The following DEAF1 variants were observed in gnomAD, a reference collection of about 807,000 sequenced individuals.
DEAF1 encodes the protein deformed epidermal autoregulatory factor 1 homolog.
DEAF1 carries 53 observed loss-of-function variants against 58.9 expected under a neutral mutation model. The ratio of observed to expected loss-of-function variants is 0.90; its 90% CI spans 0.72 to 1.13. The LOEUF (loss-of-function observed/expected upper bound fraction) is 1.13, where lower values mean the gene tolerates loss of function less well. DEAF1 is among the 50% of genes most tolerant of loss of function. DEAF1 has a pLI of 0.00. For synonymous variants in DEAF1, 385 were observed against 340.4 expected, an observed-to-expected ratio of 1.13 and a Z score of -1.44; for missense variants, 685 against 791.4, an observed-to-expected ratio of 0.87 and a Z score of 1.61.
In DEAF1 at chr11:695,126, G is replaced by C; in HGVS notation, c.-79C>G. The C allele has an allele frequency of 7.7e-7, 1 of 1,302,778 alleles. No homozygotes were observed. Among genetic ancestry groups the C allele is most frequent in the African/African-American group, 1.6e-5 (1 of 63,010 alleles). 80.7% of individuals were successfully genotyped at this position (1,302,778 alleles called of 1,614,324 possible). The stretch of plus-strand genomic sequence containing the variant: ...GGTCGCGGAGCCCGAAGCGGGGCCC[G>C]AAGAGGACGCCCGAGCTGGGCCGAG... On this transcript the variant is annotated 5_prime_UTR_variant, in exon 1 of 12. Coordinates refer to ENST00000382409, the MANE Select transcript of DEAF1 (RefSeq NM_021008.4).
chr11:668,059 C>T (rs1356632611), intron 10 of DEAF1, among the ~76,000 whole-genome samples: 1 of 152,134 alleles, frequency 6.6e-6, no homozygotes, highest in Admixed American at 6.5e-5. Context: ...TTGCAGTGAG[C>T]GGAGATTGTG....
At position 645,348 on chromosome 11, in the gene DEAF1, G is replaced by A. The variant is rs190530065; in HGVS notation, c.1594-694C>T. Among the ~76,000 whole-genome samples, 163 of 151,916 alleles carry A rather than the reference G, an allele frequency of 1.1e-3. 2 individuals are homozygous for A. The highest frequency in any genetic ancestry group is 1.7e-3 in the Non-Finnish European group (118 of 67,984). On this transcript the variant is annotated intron_variant, in intron 11 of 11. Transcript: ENST00000382409. ...TTTGTTGTTTTTCGGACAGAGTTTC[G>A]CTCTTGTTTCCCAGGCTGGAGTGTA...
At chr11:653,557 G>A (rs1288385919) in intron 11 of DEAF1, among the ~76,000 whole-genome samples, 2 of 143,494 alleles carry the variant, frequency 1.4e-5, no homozygotes, top group African/African-American at 5.3e-5. Context: ...AGTCTCTCTT[G>A]CGTGGCTCTG....
chr11:693,202 T>C (rs1472314590), intron 1 of DEAF1, among the ~76,000 whole-genome samples: 1 of 152,236 alleles, frequency 6.6e-6, no homozygotes, highest in African/African-American at 2.4e-5. Context: ...AACAGCATCA[T>C]TTTTCTTTTA....
At chr11:645,240 C>CA (rs533987770) in intron 11 of DEAF1, among the ~76,000 whole-genome samples, 10 of 149,796 alleles carry the variant, frequency 6.7e-5, no homozygotes, top group Admixed American at 6.0e-4. Flanking sequence ...GGGATGTAAA[C>CA]AAAAAATATC....
At chr11:646,050 C>T (rs1480604721) in intron 11 of DEAF1, among the ~76,000 whole-genome samples, 6 of 152,004 alleles carry the variant, frequency 3.9e-5, no homozygotes, top group Admixed American at 6.6e-5. Flanking sequence ...GCCAGGAGCT[C>T]GAGACCAGCC....
At chr11:701,727 T>G (rs1861506776) in intron 1 of DEAF1, among the ~76,000 whole-genome samples, 1 of 152,186 alleles carries the variant, frequency 6.6e-6, no homozygotes, top group South Asian at 2.1e-4. Flanking sequence ...GGTTTCGCTA[T>G]GTTACCCTGG....
intron 1 of DEAF1, chr11:701,063 TGAG>T (rs1327172705): frequency 5.9e-6 from 2 of 336,454 alleles, no homozygotes; most frequent in Admixed American, 3.9e-5. Context: ...CTTAGCTGTC[TGAG>T]GAGAGAGCCC....
rs769299507 is a variant in DEAF1 at position 694,970 on chromosome 11, C to T, written c.78G>A (p.Ala26=). 1.7e-6 allele frequency: 2 copies of T among 1,168,356 alleles called. No homozygotes were observed. The highest frequency in any genetic ancestry group is 2.1e-6 in the Non-Finnish European group (2 of 947,434). 72.4% of individuals were successfully genotyped at this position (1,168,356 alleles called of 1,614,324 possible). A position where few individuals can be genotyped will look rare whatever the true frequency, so the allele number is the denominator to read the frequency against. ...CTCCTGCCGCGGCCGCGGCCGCCGC[C>T]GCCACAGCGGCCGCGGCCGCCACCG... is the stretch of plus-strand genomic sequence containing the variant. ...AAAVAAAAAV[A]AAAAAAAGGE... Residue 26 remains alanine (A), a synonymous_variant, in exon 1 of 12, where the codon GCG becomes GCA. Coordinates refer to ENST00000382409, the MANE Select transcript of DEAF1 (RefSeq NM_021008.4).
Position 670,245 on chromosome 11 carries a change from A to T in DEAF1, c.1503+4291T>A, listed in dbSNP as rs752849207. On this transcript the variant is annotated intron_variant, in intron 10 of 11. Transcript: ENST00000382409. The stretch of plus-strand genomic sequence containing the variant: ...TGGAGATTGAGGCACTTTGCTGTAC[A>T]TACAGTTTACCTCAATTACCAAAAA... Among the ~76,000 whole-genome samples the T allele has an allele frequency of 7.2e-4, 109 of 152,134 alleles. 1 individual carries two copies. The highest frequency in any genetic ancestry group is 7.8e-4 in the Non-Finnish European group (53 of 68,030).
intron 5 of DEAF1, among the ~76,000 whole-genome samples, chr11:686,377 TCTTTC>T (rs918781002): frequency 4.4e-4 from 66 of 151,604 alleles, no homozygotes; most frequent in Admixed American, 2.5e-3. Context: ...AGGACCTACC[TCTTTC>T]CTTTCAAGAT....
chr11:695,923 C>T, upstream of DEAF1: 2 of 1,121,978 alleles, frequency 1.8e-6, no homozygotes, highest in Non-Finnish European at 2.2e-6. Flanking sequence ...AATCCGGTTT[C>T]CGCTTTCGGT....
At chr11:694,697 GC>G in intron 1 of DEAF1, 61 bp downstream of exon 1, 1 of 1,270,082 alleles carries the variant, frequency 7.9e-7, no homozygotes. Context: ...GTTGTGCGGG[GC>G]AGGCGCGCGG....
intron 10 of DEAF1, among the ~76,000 whole-genome samples, chr11:655,780 A>C (rs1859020998): frequency 6.6e-6 from 1 of 152,326 alleles, no homozygotes; most frequent in African/African-American, 2.4e-5. Flanking sequence ...GAGCATTAGG[A>C]GGAATTTTGG....
At chr11:701,119 G>T in intron 1 of DEAF1, 1 of 215,386 alleles carries the variant, frequency 4.6e-6, no homozygotes, top group South Asian at 7.2e-5. Flanking sequence ...GAGTCTGGAG[G>T]GGTGGGAGCC....
At chr11:698,190 C>T (rs1861285309), upstream of DEAF1, among the ~76,000 whole-genome samples, 1 of 152,158 alleles carries the variant, frequency 6.6e-6, no homozygotes, top group African/African-American at 2.4e-5. Flanking sequence ...AATTAGTCCG[C>T]TCCAGGTCAG....
chr11:701,715 A>G (rs12364022), intron 1 of DEAF1, among the ~76,000 whole-genome samples: 44,653 of 151,972 alleles, frequency 0.29, 6,772 homozygotes, highest in Middle Eastern at 0.36. Context: ...GGCCGGAGAC[A>G]GGGTTTCGCT....
chr11:674,376 A>C, intron 10 of DEAF1, 160 bp downstream of exon 10: 1 of 1,033,662 alleles, frequency 9.7e-7, no homozygotes, highest in East Asian at 2.4e-5. Context: ...TTCTTTAGGA[A>C]AAGCTTCATT....
chr11:672,185 G>C (rs990195861), intron 10 of DEAF1, among the ~76,000 whole-genome samples: 1 of 151,654 alleles, frequency 6.6e-6, no homozygotes, highest in Non-Finnish European at 1.5e-5. Flanking sequence ...ATCACTGTTT[G>C]TTATGTGCTT....
Sources: allele counts gnomAD v4.1 joint callset (sites outside exome capture counted in the v4.1 genomes callset), GRCh38; gene constraint gnomAD v4.1.1; transcripts MANE v1.5; gene names NCBI Gene and HGNC (gene_info 2026-07-23, HGNC 2026-07-21).